CLDN10: variants seen among roughly 807,000 people sequenced by gnomAD.
CLDN10 encodes the protein claudin 10.
In CLDN10, 15 loss-of-function variants were observed where a neutral mutation model predicts 22.9. The ratio of observed to expected loss-of-function variants is 0.65; its 90% CI spans 0.44 to 1.01. The LOEUF is 1.01. Ranked by LOEUF, CLDN10 falls within the 50% of genes least tolerant of loss-of-function variation. CLDN10 has a pLI of 0.00. For synonymous variants in CLDN10, 114 were observed against 111.4 expected (o/e 1.02, Z -0.15); for missense variants, 247 against 287.8 (o/e 0.86, Z 1.03).
At chr13:95,547,138 A>G (rs1489712750) in intron 1 of CLDN10, among the ~76,000 whole-genome samples, 2 of 150,052 alleles carry the variant, frequency 1.3e-5, no homozygotes, top group East Asian at 4.0e-4. Context: ...TTGCTGCCTC[A>G]GCCTCTGGAG....
chr13:95,481,581 T>A (rs982868812), intron 1 of CLDN10, among the ~76,000 whole-genome samples: 3 of 152,202 alleles, frequency 2.0e-5, no homozygotes, highest in African/African-American at 7.2e-5. Context: ...CTGTTGGGCA[T>A]GAGAACAGCC....
intron 1 of CLDN10, among the ~76,000 whole-genome samples, chr13:95,464,250 G>T (rs867109685): frequency 6.6e-6 from 1 of 151,388 alleles, no homozygotes; most frequent in African/African-American, 2.4e-5. Context: ...TATCCCTCCC[G>T]CCTTCCCCCA....
upstream of CLDN10, chr13:95,552,616 C>A: frequency 1.8e-6 from 2 of 1,127,778 alleles, no homozygotes; most frequent in Non-Finnish European, 2.3e-6. Flanking sequence ...CGCCCCCTGG[C>A]GCCGGGTCCG....
At chr13:95,574,061 T>A (rs1369649715) in intron 3 of CLDN10, among the ~76,000 whole-genome samples, 3 of 152,204 alleles carry the variant, frequency 2.0e-5, no homozygotes, top group African/African-American at 7.2e-5. Flanking sequence ...CATACTTTTT[T>A]ATGGCTGTAT....
intron 1 of CLDN10, among the ~76,000 whole-genome samples, chr13:95,501,116 C>G (rs981542093): frequency 6.6e-6 from 1 of 151,772 alleles, no homozygotes; most frequent in East Asian, 1.9e-4. Flanking sequence ...TGGGTTTAAG[C>G]GATTCTCCTG....
At chr13:95,501,124 C>T (rs2042980315) in intron 1 of CLDN10, among the ~76,000 whole-genome samples, 1 of 152,006 alleles carries the variant, frequency 6.6e-6, no homozygotes, top group African/African-American at 2.4e-5. Context: ...AGCGATTCTC[C>T]TGCCTCGGCC....
intron 1 of CLDN10, among the ~76,000 whole-genome samples, chr13:95,489,091 C>CA (rs35156699): frequency 0.53 from 79,343 of 151,076 alleles, 21,261 homozygotes; most frequent in African/African-American, 0.63. Flanking sequence ...AGCTGGGATT[C>CA]AGGCACTCAC....
At chr13:95,550,117 G>A (rs2043548435), upstream of CLDN10, among the ~76,000 whole-genome samples, 1 of 152,174 alleles carries the variant, frequency 6.6e-6, no homozygotes, top group Non-Finnish European at 1.5e-5. Context: ...TGGCTTCACT[G>A]GTGTGGCGAT....
rs188163127 is a variant in CLDN10, at chr13:95,553,352, C to T, written c.220+379C>T. On this transcript the variant is annotated intron_variant, in intron 1 of 4. Coordinates refer to ENST00000299339, the MANE Select transcript of CLDN10 (RefSeq NM_006984.5). The stretch of plus-strand genomic sequence containing the variant: ...CAGAGTTCATGCTGCAGGGGCTTGT[C>T]TCCTCCACCTCCCTCCCCTACGTTC... Among the ~76,000 whole-genome samples, 11 of 152,256 alleles carry T rather than the reference C, an allele frequency of 7.2e-5. No individual in the cohort carries two copies. In the East Asian group the frequency reaches 2.1e-3, roughly 29 times the overall value.
intron 1 of CLDN10, among the ~76,000 whole-genome samples, chr13:95,434,697 T>C (rs1361636471): frequency 1.3e-5 from 2 of 152,048 alleles, no homozygotes; most frequent in South Asian, 2.1e-4. Context: ...TGGCAAACGA[T>C]GGCAAATTCA....
intron 1 of CLDN10, among the ~76,000 whole-genome samples, chr13:95,462,910 A>T (rs2042547632): frequency 6.6e-6 from 1 of 152,192 alleles, no homozygotes; most frequent in African/African-American, 2.4e-5. Context: ...AAGAAAAACA[A>T]TCTACGGGCT....
intron 1 of CLDN10, among the ~76,000 whole-genome samples, chr13:95,557,440 C>T (rs937922140): frequency 9.9e-5 from 15 of 152,162 alleles, no homozygotes; most frequent in South Asian, 6.2e-4. Context: ...AGCCTTAGAA[C>T]ACTGAGAATT....
intron 1 of CLDN10, among the ~76,000 whole-genome samples, chr13:95,515,513 C>T (rs950390305): frequency 6.6e-6 from 1 of 152,098 alleles, no homozygotes; most frequent in Non-Finnish European, 1.5e-5. Context: ...GAATGGACTG[C>T]CTTTTGTGGC....
At chr13:95,478,472 C>T (rs2042706787) in intron 1 of CLDN10, among the ~76,000 whole-genome samples, 1 of 152,176 alleles carries the variant, frequency 6.6e-6, no homozygotes, top group African/African-American at 2.4e-5. Flanking sequence ...CTGGCCTTTG[C>T]CATACGGAAG....
rs397851895 is a variant in CLDN10, at chr13:95,438,975, CAA to C, written c.214+4950_214+4951del. Among the ~76,000 whole-genome samples, 386 of 62,152 alleles carry C rather than the reference CAA, an allele frequency of 6.2e-3. 1 individual carries two copies. The highest frequency in any genetic ancestry group is 0.021 in the African/African-American group (324 of 15,280). 40.8% of individuals were successfully genotyped at this position (62,152 alleles called of 152,430 possible). ...TGGGTGACAGAGCAAGACTCCATCG[CAA>C]AAAAAAAAAAAAAAAAAAAAAGCGG... On this transcript the variant is annotated intron_variant, in intron 1 of 4. Coordinates refer to the CLDN10 transcript ENST00000376873.
intron 1 of CLDN10, among the ~76,000 whole-genome samples, chr13:95,470,816 G>A (rs536755570): frequency 2.0e-5 from 3 of 152,096 alleles, no homozygotes; most frequent in Non-Finnish European, 4.4e-5. Context: ...TAGTAGCTAC[G>A]TTCTCAGCCC....
intron 1 of CLDN10, among the ~76,000 whole-genome samples, chr13:95,459,124 C>G (rs533588971): frequency 2.0e-5 from 3 of 152,204 alleles, no homozygotes; most frequent in Non-Finnish European, 4.4e-5. Flanking sequence ...TCTCCCATGG[C>G]CTTGGACAGC....
At chr13:95,534,809 GC>G (rs2043383073) in intron 1 of CLDN10, among the ~76,000 whole-genome samples, 3 of 151,758 alleles carry the variant, frequency 2.0e-5, no homozygotes, top group Non-Finnish European at 4.4e-5. Flanking sequence ...TTTTCTCCTG[GC>G]ATTCAATAAA....
At chr13:95,483,396 A>T (rs1013812165) in intron 1 of CLDN10, among the ~76,000 whole-genome samples, 15 of 151,836 alleles carry the variant, frequency 9.9e-5, no homozygotes, top group African/African-American at 3.1e-4. Context: ...TTTTGTAGAG[A>T]CATGGTCTCA....
Sources: allele counts gnomAD v4.1 joint callset (sites outside exome capture counted in the v4.1 genomes callset), GRCh38; gene constraint gnomAD v4.1.1; transcripts MANE v1.5; gene names NCBI Gene and HGNC (gene_info 2026-07-23, HGNC 2026-07-21).